COG7: variants seen among roughly 807,000 people sequenced by gnomAD.
COG7 encodes the protein conserved oligomeric Golgi complex subunit 7.
COG7 carries 49 observed loss-of-function variants against 91.5 expected under a neutral mutation model. The ratio of observed to expected loss-of-function variants is 0.54; its 90% confidence interval spans 0.43 to 0.68. The LOEUF (loss-of-function observed/expected upper bound fraction) is 0.68. COG7 is among the 30% of genes least tolerant of loss of function. The pLI is 0.00. For missense variants in COG7, 895 were observed against 961.3 expected, an observed-to-expected ratio of 0.93 and a Z score of 0.91; for synonymous variants, 365 against 388.7, an observed-to-expected ratio of 0.94 and a Z score of 0.72.
intron 11 of COG7, among the ~76,000 whole-genome samples, chr16:23,407,195 C>T (rs914793413): frequency 3.3e-5 from 5 of 152,252 alleles, no homozygotes; most frequent in Admixed American, 6.5e-5. Flanking sequence ...ATACGATCTT[C>T]CTCAGAAGCC....
chr16:23,398,814 C>T (rs1024476016), intron 13 of COG7, among the ~76,000 whole-genome samples: 1 of 152,198 alleles, frequency 6.6e-6, no homozygotes, highest in Admixed American at 6.5e-5. Flanking sequence ...TCCCCCTGTG[C>T]GAGGAGAACC....
intron 8 of COG7, 183 bp from the exon 9 acceptor site, chr16:23,417,304 T>G: frequency 1.5e-6 from 1 of 652,842 alleles, no homozygotes. Context: ...AAGTCATCAG[T>G]GGGATCATGG....
intron 4 of COG7, among the ~76,000 whole-genome samples, chr16:23,441,257 A>C (rs998156050): frequency 6.6e-6 from 1 of 152,216 alleles, no homozygotes; most frequent in African/African-American, 2.4e-5. Flanking sequence ...CCAGCAGGCC[A>C]AACTGCCATC....
At chr16:23,439,102 G>A (rs922297031) in intron 4 of COG7, among the ~76,000 whole-genome samples, 1 of 147,746 alleles carries the variant, frequency 6.8e-6, no homozygotes, top group Admixed American at 7.0e-5. Flanking sequence ...AGGTCACAGT[G>A]AGCCGAGATC....
intron 7 of COG7, among the ~76,000 whole-genome samples, chr16:23,424,198 G>A (rs1406779372): frequency 2.0e-5 from 3 of 151,334 alleles, no homozygotes; most frequent in African/African-American, 4.9e-5. Flanking sequence ...TTGGGAGGCT[G>A]AGGCAGGAGA....
intron 16 of COG7, chr16:23,390,236 C>G (rs1404955679): frequency 7.2e-6 from 1 of 138,180 alleles, no homozygotes; most frequent in Non-Finnish European, 1.5e-5. Flanking sequence ...GAGTTTCACT[C>G]TTGTTGCCCA....
chr16:23,397,830 G>A (rs1321706063), intron 14 of COG7, among the ~76,000 whole-genome samples: 1 of 152,152 alleles, frequency 6.6e-6, no homozygotes, highest in African/African-American at 2.4e-5. Context: ...AGGGAGAGAT[G>A]GTGAAGGAGT....
At chr16:23,423,083 C>T (rs997118661) in intron 7 of COG7, among the ~76,000 whole-genome samples, 5 of 149,910 alleles carry the variant, frequency 3.3e-5, no homozygotes, top group African/African-American at 4.9e-5. Context: ...AAAGTCCCAG[C>T]CAGGCATGGT....
At chr16:23,398,008 A>G (rs1210984182) in intron 14 of COG7, 38 bp downstream of exon 14, 1 of 1,555,952 alleles carries the variant, frequency 6.4e-7, no homozygotes, top group African/African-American at 1.4e-5. Context: ...GGTCTGAAAG[A>G]CTTGGACCAC....
At chr16:23,401,502 G>A (rs1242398414) in intron 13 of COG7, among the ~76,000 whole-genome samples, 1 of 152,166 alleles carries the variant, frequency 6.6e-6, no homozygotes, top group African/African-American at 2.4e-5. Context: ...TGAGGTTTCA[G>A]AACAGAAGGT....
At chr16:23,436,098 G>A (rs964366181) in intron 4 of COG7, among the ~76,000 whole-genome samples, 1 of 152,036 alleles carries the variant, frequency 6.6e-6, no homozygotes, top group Non-Finnish European at 1.5e-5. Context: ...TGGGCATGAT[G>A]TGCACCTGTA....
At chr16:23,413,640 G>T in intron 9 of COG7, 76 bp from the exon 10 acceptor site, 1 of 847,704 alleles carries the variant, frequency 1.2e-6, no homozygotes, top group Non-Finnish European at 2.1e-6. Flanking sequence ...GAATTCTACA[G>T]CTCTGGACAA....
intron 11 of COG7, among the ~76,000 whole-genome samples, chr16:23,409,828 C>A (rs1247587781): frequency 6.6e-6 from 1 of 152,168 alleles, no homozygotes; most frequent in South Asian, 2.1e-4. Context: ...CTTTGATACA[C>A]AGCCCTTCAG....
chr16:23,440,804 T>C (rs1376021333), intron 4 of COG7, among the ~76,000 whole-genome samples: 2 of 152,004 alleles, frequency 1.3e-5, no homozygotes, highest in African/African-American at 4.8e-5. Context: ...TTTATTTGGG[T>C]GAAGTTTGAG....
Position 23,447,617 on chromosome 16 carries a change from C to T in COG7, c.170-1656G>A, listed in dbSNP as rs528819632. Among the ~76,000 whole-genome samples, 20 of 151,902 alleles carry T rather than the reference C, an allele frequency of 1.3e-4. 1 individual carries two copies. In the South Asian group the frequency reaches 1.7e-3, roughly 13 times the overall value. ...AAAAATAAAGAAATAAAATAAAATC[C>T]CTGGCCAGGCGTGGTGGCTCATGCC... On this transcript the variant is annotated intron_variant, in intron 1 of 16. Coordinates refer to ENST00000307149, the MANE Select transcript of COG7 (RefSeq NM_153603.4).
chr16:23,396,713 C>T (rs1323273234), intron 14 of COG7, among the ~76,000 whole-genome samples: 4 of 151,842 alleles, frequency 2.6e-5, no homozygotes, highest in Non-Finnish European at 1.5e-5. Flanking sequence ...TCAGATTATT[C>T]CCATGGGTTG....
At chr16:23,410,187 G>T in intron 11 of COG7, 108 bp downstream of exon 11, 1 of 827,666 alleles carries the variant, frequency 1.2e-6, no homozygotes, top group Non-Finnish European at 2.1e-6. Context: ...CTCCAGCCCT[G>T]TGGCCTTCAC....
chr16:23,440,727 G>A (rs905712149), intron 4 of COG7, among the ~76,000 whole-genome samples: 8 of 152,008 alleles, frequency 5.3e-5, no homozygotes, highest in Non-Finnish European at 1.2e-4. Context: ...AAAGTGCTGG[G>A]ATTACAGGCA....
chr16:23,424,294 T>G (rs1046456050), intron 7 of COG7, among the ~76,000 whole-genome samples: 7 of 108,078 alleles, frequency 6.5e-5, no homozygotes, highest in African/African-American at 2.5e-4. Flanking sequence ...CGAAACTCCA[T>G]CTCAAAAAAA....
Sources: gnomAD v4.1 joint callset for allele counts (sites outside exome capture counted in the v4.1 genomes callset) on GRCh38, gnomAD v4.1.1 for gene constraint, MANE v1.5 for transcripts, NCBI Gene and HGNC (gene_info 2026-07-23, HGNC 2026-07-21) for gene names.